Variants in FBXW4 observed in about 807,000 individuals in gnomAD.
FBXW4 encodes the protein F-box and WD repeat domain containing 4.
In FBXW4, 40 loss-of-function variants were observed where a neutral mutation model predicts 61.8. The ratio of observed to expected loss-of-function variants is 0.65; its 90% confidence interval spans 0.50 to 0.84. FBXW4 has a LOEUF of 0.84. FBXW4 is among the 40% of genes least tolerant of loss of function. The probability of loss-of-function intolerance (pLI) is 0.00; values close to 1 mark genes in which losing one functional copy is unlikely to be tolerated. For synonymous variants in FBXW4, 311 were observed against 313.8 expected, an observed-to-expected ratio of 0.99 and a Z score of 0.10; for missense variants, 672 against 753.8, an observed-to-expected ratio of 0.89 and a Z score of 1.27.
intron 5 of FBXW4, among the ~76,000 whole-genome samples, chr10:101,633,574 T>C (rs904034124): frequency 6.6e-6 from 1 of 152,126 alleles, no homozygotes; most frequent in Non-Finnish European, 1.5e-5. Context: ...TCTGTACATG[T>C]ACCCCAGAAC....
rs375415984 is a variant in FBXW4, at chr10:101,640,466, TTTTC to T, written c.1236-15660_1236-15657del. On this transcript the variant is annotated intron_variant, in intron 5 of 8. Transcript: ENST00000331272. ...TCTCAAACCCTTCCATTTTCTTTTC[TTTTC>T]TTTCTTTCTTTCTCTTTTTTTTTTT... Among the ~76,000 whole-genome samples, 8 of 149,398 alleles carry T rather than the reference TTTTC, an allele frequency of 5.4e-5. 1 individual carries two copies. Among genetic ancestry groups the T allele is most frequent in the African/African-American group, 1.5e-4 (6 of 40,786 alleles).
chr10:101,695,192 G>A, upstream of FBXW4: 2 of 985,352 alleles, frequency 2.0e-6, no homozygotes, highest in Non-Finnish European at 2.4e-6. This position sits in a 1 kb window ranked among gnomAD's most constrained non-coding sequence, Gnocchi z 4.2. Context: ...ATGTCGGACC[G>A]GGTCACATGG....
chr10:101,665,314 C>T (rs2064287631), intron 5 of FBXW4, among the ~76,000 whole-genome samples: 1 of 152,062 alleles, frequency 6.6e-6, no homozygotes, highest in Non-Finnish European at 1.5e-5. Flanking sequence ...TAGGGGAAGA[C>T]CATCTTAAAA....
chr10:101,693,596 C>T (rs2064634896), intron 1 of FBXW4, among the ~76,000 whole-genome samples: 1 of 152,112 alleles, frequency 6.6e-6, no homozygotes, highest in Non-Finnish European at 1.5e-5. Context: ...TCATAATGTA[C>T]TAGAAAGAAC....
At chr10:101,658,301 C>T (rs1407319997) in intron 5 of FBXW4, among the ~76,000 whole-genome samples, 1 of 152,166 alleles carries the variant, frequency 6.6e-6, no homozygotes, top group African/African-American at 2.4e-5. Context: ...AATCCCAGCA[C>T]TTTGGGAGGC....
chr10:101,652,741 T>C (rs1160164108), intron 5 of FBXW4, among the ~76,000 whole-genome samples: 1 of 152,180 alleles, frequency 6.6e-6, no homozygotes, highest in African/African-American at 2.4e-5. Context: ...TCAATCAGAA[T>C]AGGGAAAAGG....
At position 101,611,057 on chromosome 10, in the gene FBXW4, A is replaced by G. The variant is rs2063776980; in HGVS notation, c.*234T>C. 1 of 466,470 alleles carries G rather than the reference A, an allele frequency of 2.1e-6. No homozygotes were observed. The allele number at this position is 466,470 out of a possible 1,614,324, so 28.9% of individuals were successfully genotyped here. A position where few individuals can be genotyped will look rare whatever the true frequency, so the allele number is the denominator to read the frequency against. ...GGACGCAAGGCCCGGGTTCAGCCGCACTCTAAAGCAGCAGGTCCTGCCTCT... is the reference window on the plus strand; with the variant it reads ...GGACGCAAGGCCCGGGTTCAGCCGCGCTCTAAAGCAGCAGGTCCTGCCTCT... On this transcript the variant is annotated 3_prime_UTR_variant, in exon 9 of 9. Transcript: ENST00000331272. The surrounding 1 kb of genome is among the most constrained non-coding windows in gnomAD (Gnocchi z 4.9).
At chr10:101,666,800 T>C (rs1307643104) in intron 5 of FBXW4, among the ~76,000 whole-genome samples, 1 of 152,116 alleles carries the variant, frequency 6.6e-6, no homozygotes, top group Non-Finnish European at 1.5e-5. Flanking sequence ...CCAGGTGCAG[T>C]GGCTCATGCA....
rs989621577 is a variant in FBXW4, at chr10:101,694,821, C to A, written c.285G>T (p.Ala95=). The A allele has an allele frequency of 1.5e-6, 2 of 1,311,716 alleles. No individual in the cohort carries two copies. Among genetic ancestry groups the A allele is most frequent in the African/African-American group, 1.5e-5 (1 of 64,830 alleles). The allele number at this position is 1,311,716 out of a possible 1,614,324, so 81.3% of individuals were successfully genotyped here. A position where few individuals can be genotyped will look rare whatever the true frequency, so the allele number is the denominator to read the frequency against. The change falls in exon 1 of 9, where the codon GCG becomes GCT. Residue 95 remains alanine, a synonymous_variant. Transcript: ENST00000331272. The surrounding 1 kb of genome is among the most constrained non-coding windows in gnomAD (Gnocchi z 6.0). ...CCTCGACTCCCTTGACGATGCCTCT[C>A]GCCCCTTCCTCCACGCTTCTGCCTC... ...AEGGRSVEEG[A]RGIVKGVEGS...
chr10:101,681,398 A>T (rs7895811), intron 1 of FBXW4, among the ~76,000 whole-genome samples: 27,637 of 135,712 alleles, frequency 0.2, 3,247 homozygotes, highest in East Asian at 0.5. Flanking sequence ...CAAAAAAAAA[A>T]AATAATAATA....
At chr10:101,654,099 G>A (rs994688446) in intron 5 of FBXW4, among the ~76,000 whole-genome samples, 20 of 131,396 alleles carry the variant, frequency 1.5e-4, no homozygotes, top group Non-Finnish European at 2.2e-4. Context: ...CCAGACCGGC[G>A]ACAGAGCGAG....
chr10:101,682,565 T>C (rs78913211), intron 1 of FBXW4, among the ~76,000 whole-genome samples: 221 of 152,288 alleles, frequency 1.5e-3, no homozygotes, highest in Non-Finnish European at 2.7e-3. Flanking sequence ...GGGAGTACTC[T>C]GGATCATAGC....
intron 5 of FBXW4, among the ~76,000 whole-genome samples, chr10:101,640,840 G>A (rs1195333102): frequency 2.6e-5 from 3 of 114,204 alleles, no homozygotes; most frequent in East Asian, 2.9e-4. Flanking sequence ...CCCCACCCCC[G>A]CCTTTTTTGA....
At chr10:101,631,561 T>C (rs1348239902) in intron 5 of FBXW4, among the ~76,000 whole-genome samples, 1 of 152,148 alleles carries the variant, frequency 6.6e-6, no homozygotes, top group Non-Finnish European at 1.5e-5. Context: ...TCTTTTAAAT[T>C]TTCTTCATTT....
intron 4 of FBXW4, among the ~76,000 whole-genome samples, chr10:101,672,466 C>G (rs1472901664): frequency 1.3e-5 from 2 of 152,216 alleles, no homozygotes; most frequent in East Asian, 3.8e-4. Context: ...CCACATCACT[C>G]TCCAGAGAAG....
rs116077462 is a variant in FBXW4, at chr10:101,642,883, G to A, written c.1236-18073C>T. ...GCCAAGATTTAGGGCAGGGCTGGGCGTGATGCCTACACTACCTGTGATCTG... is the reference window on the plus strand; with the variant it reads ...GCCAAGATTTAGGGCAGGGCTGGGCATGATGCCTACACTACCTGTGATCTG... On this transcript the variant is annotated intron_variant, in intron 5 of 8. Transcript: ENST00000331272. Among the ~76,000 whole-genome samples, 481 of 152,294 alleles carry A rather than the reference G, an allele frequency of 3.2e-3. 5 individuals carry two copies. The highest frequency in any genetic ancestry group is 0.011 in the African/African-American group (446 of 41,554).
chr10:101,631,818 G>A (rs1238246730), intron 5 of FBXW4, among the ~76,000 whole-genome samples: 1 of 151,986 alleles, frequency 6.6e-6, no homozygotes, highest in Non-Finnish European at 1.5e-5. Flanking sequence ...TAGTAGAGAT[G>A]GGGTTTCGCC....
intron 4 of FBXW4, among the ~76,000 whole-genome samples, chr10:101,668,374 G>A (rs913127916): frequency 1.3e-5 from 2 of 152,186 alleles, no homozygotes; most frequent in Non-Finnish European, 2.9e-5. Context: ...TTTTACTTTG[G>A]AGAAGTAGGG....
At chr10:101,670,247 A>G (rs574827837) in intron 4 of FBXW4, among the ~76,000 whole-genome samples, 11 of 152,368 alleles carry the variant, frequency 7.2e-5, no homozygotes, top group African/African-American at 2.4e-4. Flanking sequence ...GAAAGCATGC[A>G]TAGGCTTTGG....
Sources: gnomAD v4.1 joint callset for allele counts (sites outside exome capture counted in the v4.1 genomes callset) on GRCh38, gnomAD v4.1.1 for gene constraint, Gnocchi (gnomAD v3.1) non-coding constraint, MANE v1.5 for transcripts, NCBI Gene and HGNC (gene_info 2026-07-23, HGNC 2026-07-21) for gene names.